JAKMIP2: variants seen among roughly 807,000 people sequenced by gnomAD.
The protein encoded by JAKMIP2 is janus kinase and microtubule-interacting protein 2.
A neutral mutation model predicts 115.0 loss-of-function variants in JAKMIP2; 25 were observed. The ratio of observed to expected loss-of-function variants is 0.22; its 90% CI spans 0.16 to 0.30. The LOEUF is 0.30. Among genes scored for constraint, JAKMIP2 ranks in the 10% least tolerant of loss-of-function variants. The probability of loss-of-function intolerance (pLI) is 1.00; values close to 1 mark genes in which losing one functional copy is unlikely to be tolerated. For synonymous variants in JAKMIP2, 334 were observed against 343.6 expected (o/e 0.97, Z 0.31); for missense variants, 642 against 957.6 (o/e 0.67, Z 4.35).
chr5:147,715,457 T>C (rs1374322027), intron 1 of JAKMIP2, among the ~76,000 whole-genome samples: 2 of 150,944 alleles, frequency 1.3e-5, no homozygotes, highest in South Asian at 2.1e-4. Flanking sequence ...ATTAAATATA[T>C]ATGTATTACA....
intron 1 of JAKMIP2, among the ~76,000 whole-genome samples, chr5:147,744,580 G>A (rs1754280498): frequency 6.6e-6 from 1 of 152,146 alleles, no homozygotes; most frequent in Admixed American, 6.5e-5. Context: ...CAATATCAGT[G>A]TGCTCCTTAC....
intron 7 of JAKMIP2, 41 bp downstream of exon 7, chr5:147,644,017 C>G: frequency 3.4e-6 from 5 of 1,468,588 alleles, no homozygotes; most frequent in Non-Finnish European, 4.6e-6. Flanking sequence ...GCTACTTGTC[C>G]TTGGGAACAA....
At chr5:147,757,030 A>C (rs985603419) in intron 1 of JAKMIP2, among the ~76,000 whole-genome samples, 5 of 152,146 alleles carry the variant, frequency 3.3e-5, no homozygotes, top group African/African-American at 1.2e-4. Context: ...AAAGGAAGAG[A>C]GTCCCTGTGA....
At chr5:147,639,575 T>C in intron 10 of JAKMIP2, 57 bp downstream of exon 10, 1 of 1,556,270 alleles carries the variant, frequency 6.4e-7, no homozygotes, top group African/African-American at 1.4e-5. Flanking sequence ...TCCACAGTGC[T>C]TTTATGCTGT....
chr5:147,668,205 C>T (rs1003853998), intron 2 of JAKMIP2, among the ~76,000 whole-genome samples: 2 of 152,176 alleles, frequency 1.3e-5, no homozygotes, highest in African/African-American at 4.8e-5. Context: ...TCTGCCTCTG[C>T]CCTGAGAACC....
At chr5:147,662,026 G>A (rs936275903) in intron 2 of JAKMIP2, 5 of 150,834 alleles carry the variant, frequency 3.3e-5, no homozygotes, top group African/African-American at 4.9e-5. Flanking sequence ...TTGAGCATCC[G>A]TCTCCCTCTT....
intron 1 of JAKMIP2, among the ~76,000 whole-genome samples, chr5:147,770,873 T>G (rs1018853757): frequency 1.3e-5 from 2 of 152,148 alleles, no homozygotes; most frequent in Non-Finnish European, 2.9e-5. Flanking sequence ...TGGATTACAC[T>G]GTAGAAATAC....
At chr5:147,715,882 T>C (rs1384734888) in intron 1 of JAKMIP2, among the ~76,000 whole-genome samples, 1 of 149,784 alleles carries the variant, frequency 6.7e-6, no homozygotes, top group Admixed American at 6.7e-5. Flanking sequence ...TTAGGGTACA[T>C]GTGCACAATG....
chr5:147,606,265 T>G (rs949429639), intron 20 of JAKMIP2, among the ~76,000 whole-genome samples: 2 of 152,230 alleles, frequency 1.3e-5, no homozygotes, highest in African/African-American at 2.4e-5. Context: ...CCCATGCTTA[T>G]GTCCTGAATG....
At chr5:147,633,892 G>A (rs1028281704) in intron 12 of JAKMIP2, among the ~76,000 whole-genome samples, 7 of 151,956 alleles carry the variant, frequency 4.6e-5, no homozygotes, top group Admixed American at 1.3e-4. Flanking sequence ...GTTTCACCAC[G>A]TTGGCCAGGC....
intron 20 of JAKMIP2, among the ~76,000 whole-genome samples, chr5:147,603,970 G>A (rs1488156488): frequency 1.3e-5 from 2 of 151,920 alleles, no homozygotes; most frequent in Non-Finnish European, 2.9e-5. Context: ...GGGTATCATC[G>A]AGTTTTGGGG....
At chr5:147,644,808 T>C in intron 6 of JAKMIP2, 42 bp downstream of exon 6, 1 of 1,550,922 alleles carries the variant, frequency 6.4e-7, no homozygotes, top group Non-Finnish European at 8.8e-7. Context: ...TAAGGTAATA[T>C]AATCAAGGAA....
intron 1 of JAKMIP2, among the ~76,000 whole-genome samples, chr5:147,703,413 G>A (rs1472763026): frequency 6.6e-6 from 1 of 152,084 alleles, no homozygotes; most frequent in Non-Finnish European, 1.5e-5. Flanking sequence ...CCTGTATGGA[G>A]GGAGTGCAGC....
chr5:147,588,439 C>T lies in JAKMIP2; in HGVS notation c.*3268G>A, dbSNP rs1754967884. On this transcript the variant is annotated 3_prime_UTR_variant, in exon 22 of 22. Coordinates refer to ENST00000616793, the MANE Select transcript of JAKMIP2 (RefSeq NM_001270941.2). Reference sequence around the variant, plus strand: ...TTTTTTTTTTTTTGCTATTGCTGAACATCCCATCCAAGGGAAGCATTCATT... The same window carrying T: ...TTTTTTTTTTTTTGCTATTGCTGAATATCCCATCCAAGGGAAGCATTCATT... The T allele has an allele frequency of 6.9e-6, 1 of 145,050 alleles. No individual in the cohort carries two copies. Among genetic ancestry groups the T allele is most frequent in the Non-Finnish European group, 1.5e-5 (1 of 66,780 alleles). 9.0% of individuals were successfully genotyped at this position (145,050 alleles called of 1,614,324 possible).
intron 17 of JAKMIP2, among the ~76,000 whole-genome samples, chr5:147,621,954 G>A (rs536015434): frequency 3.5e-4 from 53 of 152,056 alleles, no homozygotes; most frequent in African/African-American, 5.5e-4. Context: ...TGCAAACTCC[G>A]CCTCCTGGGT....
chr5:147,683,656 GT>G (rs1670068964), intron 1 of JAKMIP2, among the ~76,000 whole-genome samples: 1 of 152,046 alleles, frequency 6.6e-6, no homozygotes, highest in South Asian at 2.1e-4. Context: ...AACCTATTCT[GT>G]TGTTTCCTTG....
chr5:147,769,194 C>T (rs1755258365), intron 1 of JAKMIP2, among the ~76,000 whole-genome samples: 1 of 152,110 alleles, frequency 6.6e-6, no homozygotes, highest in South Asian at 2.1e-4. Context: ...GCCACTCACA[C>T]AGTCCTCCCC....
At chr5:147,608,014 G>A (rs1756119503) in intron 20 of JAKMIP2, among the ~76,000 whole-genome samples, 1 of 152,110 alleles carries the variant, frequency 6.6e-6, no homozygotes, top group Non-Finnish European at 1.5e-5. Flanking sequence ...GGGATCAGTG[G>A]TGATCCCCCC....
chr5:147,624,910 T>G (rs911003979), intron 16 of JAKMIP2, among the ~76,000 whole-genome samples: 4 of 152,266 alleles, frequency 2.6e-5, no homozygotes, highest in African/African-American at 9.6e-5. Flanking sequence ...GTAAAAAACA[T>G]GAGGCAGTAT....
Sources: gnomAD v4.1 joint callset for allele counts (sites outside exome capture counted in the v4.1 genomes callset) on GRCh38, gnomAD v4.1.1 for gene constraint, MANE v1.5 for transcripts, NCBI Gene and HGNC (gene_info 2026-07-23, HGNC 2026-07-21) for gene names.